The following LURAP1L variants were observed in gnomAD, a reference collection of about 807,000 sequenced individuals.
LURAP1L encodes leucine rich adaptor protein 1-like.
LURAP1L carries 12 observed loss-of-function variants against 13.8 expected under a neutral mutation model. The observed-to-expected ratio is 0.87, with a 90% CI of 0.56 to 1.41. The LOEUF is 1.41. LURAP1L is among the 40% of genes most tolerant of loss of function. LURAP1L has a pLI of 0.00. For missense variants in LURAP1L, 375 were observed against 292.9 expected, an observed-to-expected ratio of 1.28 and a Z score of -2.04; for synonymous variants, 139 against 119.2, an observed-to-expected ratio of 1.17 and a Z score of -1.08.
intron 1 of LURAP1L, among the ~76,000 whole-genome samples, chr9:12,794,123 G>A (rs959629678): frequency 1.3e-5 from 2 of 152,130 alleles, no homozygotes; most frequent in Admixed American, 6.5e-5. Flanking sequence ...TGAGTGATTC[G>A]CAGTGGACAA....
intron 1 of LURAP1L, among the ~76,000 whole-genome samples, chr9:12,816,702 A>G (rs906272320): frequency 2.0e-5 from 3 of 152,154 alleles, no homozygotes; most frequent in African/African-American, 7.2e-5. Flanking sequence ...ATCACCTGTC[A>G]AAAAAATGAC....
At chr9:12,788,399 T>G (rs1819392986) in intron 1 of LURAP1L, among the ~76,000 whole-genome samples, 1 of 152,036 alleles carries the variant, frequency 6.6e-6, no homozygotes, top group African/African-American at 2.4e-5. Context: ...GACACTATAT[T>G]TTTAAAAAAA....
At chr9:12,809,556 G>A (rs147528732) in intron 1 of LURAP1L, among the ~76,000 whole-genome samples, 54 of 152,238 alleles carry the variant, frequency 3.5e-4, no homozygotes, top group African/African-American at 1.2e-3. Flanking sequence ...AACCATTGGC[G>A]TATTAATCAT....
chr9:12,795,075 G>A (rs1819495028), intron 1 of LURAP1L, among the ~76,000 whole-genome samples: 1 of 151,970 alleles, frequency 6.6e-6, no homozygotes, highest in South Asian at 2.1e-4. Flanking sequence ...TTAATGCTAT[G>A]CTGGGGAAGC....
rs1478574976 is a variant in LURAP1L, at chr9:12,775,525, C to T, written c.-191C>T. The T allele has an allele frequency of 1.3e-5, 10 of 785,584 alleles. No individual in the cohort carries two copies. The highest frequency in any genetic ancestry group is 3.6e-5 in the African/African-American group (2 of 54,982). 48.7% of individuals were successfully genotyped at this position (785,584 alleles called of 1,614,324 possible). On this transcript the variant is annotated 5_prime_UTR_variant, in exon 1 of 2. Coordinates refer to ENST00000319264, the MANE Select transcript of LURAP1L (RefSeq NM_203403.2). The stretch of plus-strand genomic sequence containing the variant: ...AGCGGACTGGGAACTGCAGCTGCGA[C>T]CCCCCGCGTCCTGTGCGGATTTCAG...
chr9:12,780,411 C>T (rs1819253806), intron 1 of LURAP1L, among the ~76,000 whole-genome samples: 1 of 94,290 alleles, frequency 1.1e-5, no homozygotes, highest in Non-Finnish European at 2.3e-5. Context: ...CGATCTTAGA[C>T]CTCTAAATTA....
intron 1 of LURAP1L, among the ~76,000 whole-genome samples, chr9:12,780,004 A>G (rs1046251671): frequency 3.6e-4 from 55 of 152,190 alleles, no homozygotes; most frequent in Non-Finnish European, 6.9e-4. Flanking sequence ...AAGAACTGCC[A>G]TGAGCAGTTA....
intron 1 of LURAP1L, among the ~76,000 whole-genome samples, chr9:12,780,493 A>G (rs929798323): frequency 6.6e-6 from 1 of 152,200 alleles, no homozygotes; most frequent in Non-Finnish European, 1.5e-5. Flanking sequence ...CTAGGACAGT[A>G]TTATTTCATT....
At chr9:12,777,102 G>C (rs879256770) in intron 1 of LURAP1L, 5 of 380,848 alleles carry the variant, frequency 1.3e-5, no homozygotes, top group Non-Finnish European at 1.8e-5. Context: ...TAGGCTAGGA[G>C]ATTTCTATCA....
intron 1 of LURAP1L, among the ~76,000 whole-genome samples, chr9:12,816,790 G>C (rs187278290): frequency 6.1e-4 from 93 of 152,306 alleles, no homozygotes; most frequent in Non-Finnish European, 4.7e-4. Context: ...TAAGTAGGAA[G>C]CTGAACCATA....
chr9:12,788,189 A>AAGAAAGAAAGAAAGAAAG (rs1554657447), intron 1 of LURAP1L, among the ~76,000 whole-genome samples: 9 of 140,824 alleles, frequency 6.4e-5, no homozygotes, highest in East Asian at 4.1e-4. Flanking sequence ...GAAAGAAAGA[A>AAGAAAGAAAGAAAGAAAG]AGAAAAGAAA....
intron 1 of LURAP1L, among the ~76,000 whole-genome samples, chr9:12,812,744 C>T (rs796422687): frequency 5.3e-5 from 8 of 152,250 alleles, no homozygotes; most frequent in African/African-American, 1.9e-4. Context: ...TCTTCAAATG[C>T]ATTGCTGAAC....
chr9:12,789,617 G>A (rs1195891947), intron 1 of LURAP1L, among the ~76,000 whole-genome samples: 1 of 152,096 alleles, frequency 6.6e-6, no homozygotes, highest in African/African-American at 2.4e-5. Context: ...TATGATTTTA[G>A]TCATATTGGC....
At chr9:12,795,988 A>T (rs1819507121) in intron 1 of LURAP1L, among the ~76,000 whole-genome samples, 1 of 152,068 alleles carries the variant, frequency 6.6e-6, no homozygotes, top group African/African-American at 2.4e-5. Flanking sequence ...TATTTTTAAA[A>T]GTTTGTTTTC....
At chr9:12,779,442 T>A (rs1234829189) in intron 1 of LURAP1L, among the ~76,000 whole-genome samples, 1 of 151,890 alleles carries the variant, frequency 6.6e-6, no homozygotes, top group Non-Finnish European at 1.5e-5. Context: ...GCCCGGCTAA[T>A]TTTTTGTATT....
At chr9:12,782,491 G>A (rs1297741516) in intron 1 of LURAP1L, among the ~76,000 whole-genome samples, 1 of 152,174 alleles carries the variant, frequency 6.6e-6, no homozygotes, top group East Asian at 1.9e-4. Flanking sequence ...TTATTGAAGA[G>A]ACTATCTTTT....
At chr9:12,783,321 A>T (rs756316705) in intron 1 of LURAP1L, among the ~76,000 whole-genome samples, 2 of 152,102 alleles carry the variant, frequency 1.3e-5, no homozygotes, top group Admixed American at 1.3e-4. Context: ...TCCCTCTTTC[A>T]GTATGATACC....
intron 1 of LURAP1L, among the ~76,000 whole-genome samples, chr9:12,778,578 G>A (rs1819224281): frequency 6.6e-6 from 1 of 152,164 alleles, no homozygotes; most frequent in African/African-American, 2.4e-5. Context: ...TGGGACTGAT[G>A]AAGGCCTAGA....
intron 1 of LURAP1L, among the ~76,000 whole-genome samples, chr9:12,797,789 A>G (rs1388005703): frequency 6.6e-6 from 1 of 152,184 alleles, no homozygotes; most frequent in Non-Finnish European, 1.5e-5. Flanking sequence ...CCAAGGGAAA[A>G]CATATAATTT....
Sources: gnomAD v4.1 joint callset for allele counts (sites outside exome capture counted in the v4.1 genomes callset) on GRCh38, gnomAD v4.1.1 for gene constraint, MANE v1.5 for transcripts, NCBI Gene and HGNC (gene_info 2026-07-23, HGNC 2026-07-21) for gene names.